SYNE2: variants seen among roughly 807,000 people sequenced by gnomAD.
SYNE2 encodes the protein spectrin repeat containing nuclear envelope protein 2.
A neutral mutation model predicts 856.3 loss-of-function variants in SYNE2; 431 were observed. The observed-to-expected ratio is 0.50, with a 90% confidence interval of 0.47 to 0.55. The LOEUF is 0.55. Among genes scored for constraint, SYNE2 ranks in the 20% least tolerant of loss-of-function variants. The pLI, the probability that SYNE2 is intolerant of heterozygous loss-of-function variation, is 0.00. For synonymous variants in SYNE2, 2,923 were observed against 2,872.3 expected (o/e 1.02, Z -0.56); for missense variants, 8,129 against 8,023.2 (o/e 1.01, Z -0.50).
chr14:64,036,491 C>T (rs1314911946), intron 45 of SYNE2, among the ~76,000 whole-genome samples: 2 of 152,020 alleles, frequency 1.3e-5, no homozygotes, highest in Admixed American at 6.5e-5. Context: ...CACCATGTTG[C>T]CCGGGCAGGT....
chr14:64,108,368 A>G (rs1393941217), intron 65 of SYNE2, among the ~76,000 whole-genome samples: 1 of 149,356 alleles, frequency 6.7e-6, no homozygotes, highest in Non-Finnish European at 1.5e-5. Context: ...AAAAAAATGT[A>G]TATATATATA....
intron 79 of SYNE2, among the ~76,000 whole-genome samples, chr14:64,139,487 C>G (rs1015458072): frequency 6.6e-6 from 1 of 152,020 alleles, no homozygotes; most frequent in Non-Finnish European, 1.5e-5. Flanking sequence ...TCTCGGCTCA[C>G]TGCAACCTCC....
intron 47 of SYNE2, among the ~76,000 whole-genome samples, chr14:64,050,249 T>G (rs2097215357): frequency 6.6e-6 from 1 of 152,154 alleles, no homozygotes; most frequent in South Asian, 2.1e-4. Flanking sequence ...TTATAAGGGC[T>G]CTACTCCTAT....
intron 61 of SYNE2, among the ~76,000 whole-genome samples, chr14:64,096,434 A>G (rs1410034618): frequency 6.6e-6 from 1 of 152,226 alleles, no homozygotes; most frequent in Non-Finnish European, 1.5e-5. Flanking sequence ...GACTGTGGCC[A>G]GGGGTCTGCA....
intron 2 of SYNE2, among the ~76,000 whole-genome samples, chr14:63,921,185 G>GAA (rs35072484): frequency 2.1e-5 from 3 of 145,252 alleles, no homozygotes; most frequent in Non-Finnish European, 3.0e-5. Flanking sequence ...ACCATTTACT[G>GAA]AAAAAAAAAA....
At chr14:64,102,882 A>T (rs1048254803) in intron 64 of SYNE2, among the ~76,000 whole-genome samples, 1 of 151,916 alleles carries the variant, frequency 6.6e-6, no homozygotes, top group Non-Finnish European at 1.5e-5. Context: ...TAGATTACAC[A>T]TGTAAGTGAG....
intron 94 of SYNE2, among the ~76,000 whole-genome samples, chr14:64,171,712 G>A (rs958516965): frequency 6.6e-6 from 1 of 152,214 alleles, no homozygotes; most frequent in Non-Finnish European, 1.5e-5. Context: ...AGGCAGTAGT[G>A]GCAGGAGGTG....
At chr14:64,179,045 C>T (rs570557794) in intron 96 of SYNE2, among the ~76,000 whole-genome samples, 2 of 152,176 alleles carry the variant, frequency 1.3e-5, no homozygotes, top group Non-Finnish European at 2.9e-5. Flanking sequence ...CCACTATGCT[C>T]CACCCTAGAT....
intron 1 of SYNE2, among the ~76,000 whole-genome samples, chr14:63,805,078 C>T (rs1355735144): frequency 6.6e-6 from 1 of 152,164 alleles, no homozygotes; most frequent in Non-Finnish European, 1.5e-5. Context: ...TCTGGGTCCT[C>T]AAACCTGTTT....
intron 65 of SYNE2, among the ~76,000 whole-genome samples, chr14:64,110,854 G>C (rs182310573): frequency 3.4e-4 from 51 of 152,142 alleles, no homozygotes; most frequent in African/African-American, 1.2e-3. Context: ...TTTAAAAAGA[G>C]GTGGGTGAAC....
rs747322838 is a variant in SYNE2, at chr14:63,961,512, G to T, written c.788-13G>T. 4 of 1,598,862 alleles carry T rather than the reference G, an allele frequency of 2.5e-6. No homozygotes were observed. The East Asian group carries it at 8.9e-5, about 36-fold the overall frequency. On this transcript the variant is annotated splice_polypyrimidine_tract_variant and intron_variant, in intron 8 of 115. Coordinates refer to ENST00000555002, the MANE Select transcript of SYNE2 (RefSeq NM_182914.3). ...TGTGTAACAGCTAATTGATAGTGTG[G>T]TGTATCTTGCAGATGTGGATGTTGT...
intron 67 of SYNE2, among the ~76,000 whole-genome samples, chr14:64,120,016 T>G (rs994149518): frequency 2.0e-5 from 3 of 152,230 alleles, no homozygotes; most frequent in Non-Finnish European, 4.4e-5. Context: ...TCCAGGATAC[T>G]TTGTTATTCA....
Position 63,968,930 on chromosome 14 carries a change from C to T in SYNE2, c.1128+1084C>T, listed in dbSNP as rs559943794. On this transcript the variant is annotated intron_variant, in intron 11 of 115. Coordinates refer to ENST00000555002, the MANE Select transcript of SYNE2 (RefSeq NM_182914.3). ...CGTGTTGTGCTATCAAATAGTAGGT[C>T]TTATTTGTTCTTTCTATTTTTTTGT... Among the ~76,000 whole-genome samples, 4 of 152,262 alleles carry T rather than the reference C, an allele frequency of 2.6e-5. No individual in the cohort carries two copies. The South Asian group carries it at 8.3e-4, about 32-fold the overall frequency.
chr14:64,152,503 AC>A lies in SYNE2; in HGVS notation c.15640-60del. 6 of 1,562,832 alleles carry A rather than the reference AC, an allele frequency of 3.8e-6. 1 individual carries two copies. The South Asian group carries it at 6.7e-5, about 18-fold the overall frequency. On this transcript the variant is annotated intron_variant, in intron 84 of 115. Coordinates refer to ENST00000555002, the MANE Select transcript of SYNE2 (RefSeq NM_182914.3). ...TGAAAAGAGTGAACTCCTGTCTCTG[AC>A]ACCTTATTAATTGTTTTGTAATATT...
At chr14:63,951,162 G>A (rs2096151621) in intron 7 of SYNE2, among the ~76,000 whole-genome samples, 1 of 152,086 alleles carries the variant, frequency 6.6e-6, no homozygotes, top group Admixed American at 6.6e-5. Flanking sequence ...AGTTCAAAAG[G>A]CATTTCTTGT....
intron 1 of SYNE2, among the ~76,000 whole-genome samples, chr14:63,797,503 ATGCAACC>A (rs1462723357): frequency 6.6e-6 from 1 of 151,836 alleles, no homozygotes; most frequent in East Asian, 1.9e-4. Context: ...ATAAAAACAG[ATGCAACC>A]TGCTCACTGC....
chr14:63,960,505 C>G (rs988260287), intron 8 of SYNE2, among the ~76,000 whole-genome samples: 33 of 152,230 alleles, frequency 2.2e-4, no homozygotes, highest in Admixed American at 2.0e-3. Flanking sequence ...ATGGACCATA[C>G]CTTATGTATC....
chr14:64,113,319 C>G (rs201680914), intron 65 of SYNE2, 22 bp from the exon 66 acceptor site: 5 of 1,613,090 alleles, frequency 3.1e-6, no homozygotes, highest in Middle Eastern at 1.9e-4. Context: ...GACTCCCTGG[C>G]TTATCTTTGG....
intron 77 of SYNE2, among the ~76,000 whole-genome samples, chr14:64,133,826 G>A (rs1322815672): frequency 1.3e-5 from 2 of 152,194 alleles, no homozygotes; most frequent in African/African-American, 2.4e-5. Context: ...GACAAGACAA[G>A]CATAAAACAC....
Sources: gnomAD v4.1 joint callset for allele counts (sites outside exome capture counted in the v4.1 genomes callset) on GRCh38, gnomAD v4.1.1 for gene constraint, MANE v1.5 for transcripts, NCBI Gene and HGNC (gene_info 2026-07-23, HGNC 2026-07-21) for gene names.